Variants in MAP2K5 observed in about 807,000 individuals in gnomAD.
The protein encoded by MAP2K5 is dual specificity mitogen-activated protein kinase kinase 5.
MAP2K5 carries 49 observed loss-of-function variants against 83.1 expected under a neutral mutation model. The ratio of observed to expected loss-of-function variants is 0.59; its 90% CI spans 0.47 to 0.75. The LOEUF (loss-of-function observed/expected upper bound fraction) is 0.75, where lower values mean the gene tolerates loss of function less well. Ranked by LOEUF, MAP2K5 falls within the 30% of genes least tolerant of loss-of-function variation. The pLI is 0.00. For missense variants in MAP2K5, 457 were observed against 557.5 expected (o/e 0.82, Z 1.82); for synonymous variants, 202 against 191.8 (o/e 1.05, Z -0.44).
chr15:67,797,628 A>G lies in MAP2K5; in HGVS notation c.1243-9018A>G, dbSNP rs554271140. Among the ~76,000 whole-genome samples, 12 of 152,058 alleles carry G rather than the reference A, an allele frequency of 7.9e-5. No homozygotes were observed. In the South Asian group the frequency reaches 2.5e-3, roughly 32 times the overall value. On this transcript the variant is annotated intron_variant, in intron 21 of 21. Transcript: ENST00000178640. ...TAGTTTTTCTAGGTATAGATTTTAT[A>G]TTTATTTTACTTGGAAATCACTGGT...
chr15:67,698,039 T>G lies in MAP2K5; in HGVS notation c.972+4471T>G, dbSNP rs2088310787. ...GTCATGCTCAAGGAAATACTGTTTT[T>G]TAGGGGCAGATAATTAATAGGTTCA... is the stretch of plus-strand genomic sequence containing the variant. On this transcript the variant is annotated intron_variant, in intron 15 of 21. Coordinates refer to ENST00000178640, the MANE Select transcript of MAP2K5 (RefSeq NM_145160.3). This position sits in a 1 kb window ranked among gnomAD's most constrained non-coding sequence, Gnocchi z 4.5. 6.6e-6 allele frequency among the ~76,000 whole-genome samples: 1 copy of G among 152,126 alleles called. No individual in the cohort carries two copies. Among genetic ancestry groups the G allele is most frequent in the South Asian group, 2.1e-4 (1 of 4,818 alleles).
At position 67,714,172 on chromosome 15, in the gene MAP2K5, C is replaced by T. The variant is rs183286942; in HGVS notation, c.1044+10764C>T. The stretch of plus-strand genomic sequence containing the variant: ...GAGGCAGAAGATAAACAATAATAAA[C>T]ACTTATGTTTTTTGAAAGGAAGATT... On this transcript the variant is annotated intron_variant, in intron 16 of 21. Coordinates refer to ENST00000178640, the MANE Select transcript of MAP2K5 (RefSeq NM_145160.3). Among the ~76,000 whole-genome samples the T allele has an allele frequency of 1.3e-3, 204 of 152,126 alleles. 2 individuals are homozygous for T. The highest frequency in any genetic ancestry group is 4.8e-3 in the African/African-American group (201 of 41,508).
At position 67,805,331 on chromosome 15, in the gene MAP2K5, C is replaced by G. The variant is rs144623762; in HGVS notation, c.1243-1315C>G. 7.5e-3 allele frequency among the ~76,000 whole-genome samples: 1,139 copies of G among 152,324 alleles called. 20 individuals are homozygous for G. The highest frequency in any genetic ancestry group is 0.026 in the African/African-American group (1,088 of 41,574). On this transcript the variant is annotated intron_variant, in intron 21 of 21. Transcript: ENST00000178640. ...GAGCATTCTCCTGTCCCCCACAGTT[C>G]TGACCTGTGGTCCAGAGGGGCCATG...
intron 16 of MAP2K5, among the ~76,000 whole-genome samples, chr15:67,709,049 T>C (rs1453329881): frequency 6.6e-6 from 1 of 152,226 alleles, no homozygotes; most frequent in Non-Finnish European, 1.5e-5. Context: ...CCTTGACTGA[T>C]GTATGGCAGT....
In MAP2K5 at chr15:67,794,918, T is replaced by C. The variant is rs2141337525; in HGVS notation, c.1243-11728T>C. Among the ~76,000 whole-genome samples, 1 of 152,374 alleles carries C rather than the reference T, an allele frequency of 6.6e-6. No individual in the cohort carries two copies. On this transcript the variant is annotated intron_variant, in intron 21 of 21. Transcript: ENST00000178640. This position sits in a 1 kb window ranked among gnomAD's most constrained non-coding sequence, Gnocchi z 4.6. The stretch of plus-strand genomic sequence containing the variant: ...AGATGAGACAATAGATATGAAATGC[T>C]TTGAAAAGTTAAAACTATGATGATA...
In MAP2K5 at chr15:67,786,623, G is replaced by T. The variant is rs1691488326; in HGVS notation, c.1242+13871G>T. Among the ~76,000 whole-genome samples the T allele has an allele frequency of 6.6e-6, 1 of 152,316 alleles. No individual in the cohort carries two copies. Among genetic ancestry groups the T allele is most frequent in the African/African-American group, 2.4e-5 (1 of 41,576 alleles). On this transcript the variant is annotated intron_variant, in intron 21 of 21. Coordinates refer to ENST00000178640, the MANE Select transcript of MAP2K5 (RefSeq NM_145160.3). The surrounding 1 kb of genome is among the most constrained non-coding windows in gnomAD (Gnocchi z 4.7). ...CCGTAGTAGTCAGTGAGGATGCCTG[G>T]CTCGGGCCTGAGTACAGAACTTGGA...
At chr15:67,657,988 TG>T (rs1439057231) in intron 11 of MAP2K5, among the ~76,000 whole-genome samples, 3 of 152,068 alleles carry the variant, frequency 2.0e-5, no homozygotes, top group African/African-American at 7.2e-5. Flanking sequence ...AAAAAATATT[TG>T]TCAAATACTC....
intron 8 of MAP2K5, among the ~76,000 whole-genome samples, chr15:67,603,012 A>G (rs1053687806): frequency 1.3e-5 from 2 of 152,218 alleles, no homozygotes; most frequent in South Asian, 2.1e-4. Flanking sequence ...CCATCCCCCA[A>G]GGGAAAATTA....
intron 20 of MAP2K5, among the ~76,000 whole-genome samples, chr15:67,771,115 C>A (rs2090131832): frequency 6.9e-6 from 1 of 144,854 alleles, no homozygotes; most frequent in East Asian, 2.0e-4. Flanking sequence ...ACATGGAATT[C>A]TTAAAACACA....
chr15:67,621,333 G>A (rs138030503), intron 8 of MAP2K5, among the ~76,000 whole-genome samples: 1 of 150,764 alleles, frequency 6.6e-6, no homozygotes, highest in Non-Finnish European at 1.5e-5. Flanking sequence ...GAATAACTGG[G>A]TATGATATGC....
At chr15:67,620,136 T>G (rs942756797) in intron 8 of MAP2K5, among the ~76,000 whole-genome samples, 7 of 152,272 alleles carry the variant, frequency 4.6e-5, no homozygotes, top group African/African-American at 1.7e-4. Flanking sequence ...TTTGGGAGGT[T>G]GAGGCGGGTA....
intron 1 of MAP2K5, among the ~76,000 whole-genome samples, chr15:67,546,842 A>G (rs539283089): frequency 1.1e-4 from 16 of 152,232 alleles, no homozygotes; most frequent in Non-Finnish European, 1.9e-4. Flanking sequence ...AGGTGGGTAG[A>G]TCGCTTAAAC....
rs558264446 is a variant in MAP2K5 at position 67,705,504 on chromosome 15, G to C, written c.1044+2096G>C. 1.6e-3 allele frequency among the ~76,000 whole-genome samples: 251 copies of C among 152,312 alleles called. 1 individual carries two copies. The highest frequency in any genetic ancestry group is 4.1e-3 in the Admixed American group (63 of 15,300). On this transcript the variant is annotated intron_variant, in intron 16 of 21. Transcript: ENST00000178640. ...AATCCCAACACTTTGGGAGGCTGAG[G>C]TGGGCAGATCACCTGAAGTCAGGAG...
chr15:67,630,869 T>G lies in MAP2K5; in HGVS notation c.546-19T>G, dbSNP rs760942492. The G allele has an allele frequency of 2.0e-5, 32 of 1,586,854 alleles. No homozygotes were observed. The highest frequency in any genetic ancestry group is 3.4e-5 in the South Asian group (3 of 89,342). ...TGTTTAGTGATCCCAAATGATTTTG[T>G]TTTTTTTTCTTCCCATAGAGCATAT... On this transcript the variant is annotated intron_variant, in intron 8 of 21. Transcript: ENST00000178640.
chr15:67,547,101 C>CACAG (rs1274107603), intron 1 of MAP2K5, among the ~76,000 whole-genome samples: 1 of 145,718 alleles, frequency 6.9e-6, no homozygotes, highest in Non-Finnish European at 1.5e-5. Flanking sequence ...CACACACACA[C>CACAG]ACACACAGAT....
intron 21 of MAP2K5, among the ~76,000 whole-genome samples, chr15:67,792,625 C>T (rs1566966048): frequency 6.6e-6 from 1 of 152,208 alleles, no homozygotes; most frequent in Non-Finnish European, 1.5e-5. Context: ...TATAAAACTT[C>T]CCACTGAGTT....
intron 16 of MAP2K5, among the ~76,000 whole-genome samples, chr15:67,716,813 C>G (rs944623653): frequency 6.6e-6 from 1 of 151,986 alleles, no homozygotes; most frequent in Non-Finnish European, 1.5e-5. Flanking sequence ...CAACATCACA[C>G]TTTTTTTTAA....
rs1235137841 is a variant in MAP2K5, at chr15:67,556,639, C to G, written c.184+6557C>G. 2.6e-5 allele frequency among the ~76,000 whole-genome samples: 4 copies of G among 151,670 alleles called. No individual in the cohort carries two copies. The South Asian group carries it at 8.4e-4, about 32-fold the overall frequency. ...TGATCTCAGCTCACTGCAACCTCCGCCCCCTGGATTCAAGTGATTCTTCTG... is the reference window on the plus strand; with the variant it reads ...TGATCTCAGCTCACTGCAACCTCCGGCCCCTGGATTCAAGTGATTCTTCTG... On this transcript the variant is annotated intron_variant, in intron 2 of 21. Coordinates refer to ENST00000178640, the MANE Select transcript of MAP2K5 (RefSeq NM_145160.3).
intron 2 of MAP2K5, among the ~76,000 whole-genome samples, chr15:67,553,026 C>T (rs1479901797): frequency 6.6e-6 from 1 of 152,108 alleles, no homozygotes. Context: ...GCCTCATTGG[C>T]TTCCAGTTAG....
Sources: allele counts gnomAD v4.1 joint callset (sites outside exome capture counted in the v4.1 genomes callset), GRCh38; gene constraint gnomAD v4.1.1; non-coding constraint Gnocchi (gnomAD v3.1); transcripts MANE v1.5; gene names NCBI Gene and HGNC (gene_info 2026-07-23, HGNC 2026-07-21).